Variants in ESR1 observed in about 807,000 individuals in gnomAD.
The protein encoded by ESR1 is estrogen receptor 1, also known as estrogen receptor.
ESR1 carries 12 observed loss-of-function variants against 52.7 expected under a neutral mutation model. That is an observed-to-expected ratio of 0.23 (90% CI 0.15 to 0.37). The LOEUF (loss-of-function observed/expected upper bound fraction) is 0.37, where lower values mean the gene tolerates loss of function less well. ESR1 is among the 10% of genes least tolerant of loss of function. ESR1 has a pLI of 1.00. For missense variants in ESR1, 584 were observed against 779.7 expected, an observed-to-expected ratio of 0.75 and a Z score of 2.99; for synonymous variants, 305 against 316.8, an observed-to-expected ratio of 0.96 and a Z score of 0.39.
At chr6:151,760,054 A>T (rs1232307912) in intron 2 of ESR1, among the ~76,000 whole-genome samples, 1 of 152,220 alleles carries the variant, frequency 6.6e-6, no homozygotes, top group East Asian at 1.9e-4. Flanking sequence ...TGTGTGAGTA[A>T]GCTGACATCA....
At chr6:151,974,132 G>T (rs1377002652) in intron 4 of ESR1, among the ~76,000 whole-genome samples, 1 of 152,100 alleles carries the variant, frequency 6.6e-6, no homozygotes, top group African/African-American at 2.4e-5. Context: ...AACAAAATGT[G>T]CTATGCCTGT....
chr6:151,779,816 C>T (rs991680659), intron 2 of ESR1, among the ~76,000 whole-genome samples: 13 of 129,100 alleles, frequency 1.0e-4, no homozygotes, highest in East Asian at 2.0e-4. Context: ...AAATGTGGCG[C>T]GTGAACCCGG....
chr6:151,850,039 T>C (rs1277906914), intron 2 of ESR1, among the ~76,000 whole-genome samples: 4 of 124,258 alleles, frequency 3.2e-5, no homozygotes, highest in Admixed American at 8.3e-5. Context: ...TATATATATA[T>C]ATAATTTTAT....
chr6:151,659,571 A>G (rs1289488900), intron 1 of ESR1, among the ~76,000 whole-genome samples: 2 of 152,172 alleles, frequency 1.3e-5, no homozygotes, highest in Admixed American at 1.3e-4. Flanking sequence ...CGATTTATCT[A>G]TAGGATTCCA....
At chr6:151,917,521 G>C (rs1323714840) in intron 3 of ESR1, among the ~76,000 whole-genome samples, 2 of 152,182 alleles carry the variant, frequency 1.3e-5, no homozygotes, top group African/African-American at 4.8e-5. Flanking sequence ...TTTTAAGAGT[G>C]AACATTATAG....
At chr6:151,840,180 T>C (rs1784067968) in intron 1 of ESR1, among the ~76,000 whole-genome samples, 1 of 152,208 alleles carries the variant, frequency 6.6e-6, no homozygotes, top group Non-Finnish European at 1.5e-5. Flanking sequence ...AATTTCATGC[T>C]TGCTAAATAT....
At chr6:151,719,341 G>T (rs747354286) in intron 2 of ESR1, among the ~76,000 whole-genome samples, 2 of 152,204 alleles carry the variant, frequency 1.3e-5, no homozygotes, top group African/African-American at 2.4e-5. Context: ...GGCTGTGTGG[G>T]TGTGGAGGAA....
intron 6 of ESR1, among the ~76,000 whole-genome samples, chr6:152,114,759 C>T (rs1391451929): frequency 3.3e-5 from 5 of 150,362 alleles, no homozygotes; most frequent in Non-Finnish European, 7.5e-5. Flanking sequence ...GGCGTAGTGG[C>T]GGGCGCCTGT....
chr6:152,004,051 G>T (rs2042156649), intron 4 of ESR1, among the ~76,000 whole-genome samples: 1 of 151,842 alleles, frequency 6.6e-6, no homozygotes, highest in African/African-American at 2.4e-5. Flanking sequence ...TTCTTGAAGG[G>T]CTTTATAAGC....
At chr6:152,045,390 T>C (rs571280257) in intron 5 of ESR1, among the ~76,000 whole-genome samples, 1 of 152,308 alleles carries the variant, frequency 6.6e-6, no homozygotes, top group South Asian at 2.1e-4. Context: ...AACCAGGGCA[T>C]GGTACTCCAC....
chr6:151,913,064 T>C (rs957142450), intron 3 of ESR1, among the ~76,000 whole-genome samples: 4 of 151,716 alleles, frequency 2.6e-5, no homozygotes, highest in African/African-American at 7.3e-5. Context: ...TCTGCACATA[T>C]ATCCCAGAAC....
chr6:152,022,478 G>A (rs963301547), intron 5 of ESR1, among the ~76,000 whole-genome samples: 13 of 152,102 alleles, frequency 8.5e-5, no homozygotes, highest in African/African-American at 2.7e-4. Context: ...AGCCATCTCC[G>A]TAGCTAAAAG....
chr6:151,852,146 G>C (rs1423564728), intron 2 of ESR1, among the ~76,000 whole-genome samples: 5 of 152,170 alleles, frequency 3.3e-5, no homozygotes, highest in Admixed American at 2.0e-4. Context: ...CAGTCATCAG[G>C]GGGTAGGATA....
chr6:152,099,766 G>A lies in ESR1; in HGVS notation c.*800G>A, dbSNP rs953538633. 8.1e-6 allele frequency: 3 copies of A among 370,430 alleles called. No homozygotes were observed. Among genetic ancestry groups the A allele is most frequent in the Non-Finnish European group, 1.4e-5 (3 of 208,566 alleles). The allele number at this position is 370,430 out of a possible 1,614,324, so 22.9% of individuals were successfully genotyped here. On this transcript the variant is annotated 3_prime_UTR_variant, in exon 8 of 8. Transcript: ENST00000206249. ...TATGAGGGATAAGTTCCTGATTTTT[G>A]TTTTTATTTTTGTGTTACAAAAGAA...
chr6:151,758,825 G>C (rs1294260238), intron 2 of ESR1, among the ~76,000 whole-genome samples: 1 of 151,586 alleles, frequency 6.6e-6, no homozygotes. Context: ...GACTCACCCA[G>C]GGTCTCACAC....
intron 6 of ESR1, among the ~76,000 whole-genome samples, chr6:152,120,979 T>C (rs2051312742): frequency 6.6e-6 from 1 of 152,032 alleles, no homozygotes; most frequent in African/African-American, 2.4e-5. Flanking sequence ...AAAGAGGAGA[T>C]ACTCTCTCTC....
chr6:151,982,759 TAA>T (rs1269790756), intron 4 of ESR1, among the ~76,000 whole-genome samples: 1 of 151,992 alleles, frequency 6.6e-6, no homozygotes, highest in African/African-American at 2.4e-5. Flanking sequence ...TAGTCCTATA[TAA>T]AAAAATTAGC....
intron 4 of ESR1, 141 bp downstream of exon 4, chr6:151,944,649 T>G: frequency 1.4e-6 from 1 of 735,888 alleles, no homozygotes; most frequent in Admixed American, 2.0e-5. Context: ...GTGTTCATTT[T>G]CAGTATCAAT....
chr6:152,104,264 T>C (rs2152511989), downstream of ESR1, among the ~76,000 whole-genome samples: 1 of 152,300 alleles, frequency 6.6e-6, no homozygotes, highest in South Asian at 2.1e-4. Context: ...ATTCATTTTC[T>C]TGTCCAAGCA....
Sources: gnomAD v4.1 joint callset for allele counts (sites outside exome capture counted in the v4.1 genomes callset) on GRCh38, gnomAD v4.1.1 for gene constraint, MANE v1.5 for transcripts, NCBI Gene and HGNC (gene_info 2026-07-23, HGNC 2026-07-21) for gene names.